Variants in ZNF536 observed in about 807,000 individuals in gnomAD.
The protein encoded by ZNF536 is zinc finger protein 536.
In ZNF536, 13 loss-of-function variants were observed where a neutral mutation model predicts 84.5. The observed-to-expected ratio is 0.15, with a 90% CI of 0.10 to 0.24. The LOEUF is 0.24. ZNF536 is among the 10% of genes least tolerant of loss of function. The probability of loss-of-function intolerance (pLI) is 1.00; values close to 1 mark genes in which losing one functional copy is unlikely to be tolerated. For synonymous variants in ZNF536, 811 were observed against 742.5 expected (o/e 1.09, Z -1.50); for missense variants, 1,536 against 1,747.5 (o/e 0.88, Z 2.16).
chr19:30,589,157 G>GCTTGGGAGGGCTCTTTGCAT (rs1441778807), intron 1 of ZNF536, among the ~76,000 whole-genome samples: 1 of 152,224 alleles, frequency 6.6e-6, no homozygotes, highest in Non-Finnish European at 1.5e-5. Flanking sequence ...CTAGGGCCAT[G>GCTTGGGAGGGCTCTTTGCAT]CTTGGGAGGG....
chr19:30,226,058 C>G (rs1489974294), upstream of ZNF536, among the ~76,000 whole-genome samples: 2 of 151,994 alleles, frequency 1.3e-5, no homozygotes, highest in African/African-American at 4.8e-5. This position sits in a 1 kb window ranked among gnomAD's most constrained non-coding sequence, Gnocchi z 4.6. Context: ...CCTCCCCGCC[C>G]GCGGTCCCGG....
At chr19:30,687,995 A>C (rs1423876962) in intron 1 of ZNF536, among the ~76,000 whole-genome samples, 1 of 144,972 alleles carries the variant, frequency 6.9e-6, no homozygotes, top group East Asian at 2.1e-4. Context: ...AAAAAAGAGC[A>C]TAACAATGTG....
intron 1 of ZNF536, among the ~76,000 whole-genome samples, chr19:30,434,070 G>T (rs542372443): frequency 1.3e-5 from 2 of 151,952 alleles, no homozygotes; most frequent in African/African-American, 4.8e-5. Flanking sequence ...AGGGGACCAA[G>T]GTCACACCGA....
At chr19:30,345,248 C>CT (rs955561766) in intron 2 of ZNF536, among the ~76,000 whole-genome samples, 2 of 151,962 alleles carry the variant, frequency 1.3e-5, no homozygotes, top group Non-Finnish European at 2.9e-5. Context: ...GGGGCTCCCC[C>CT]CAGCATGAGT....
chr19:30,592,791 C>T (rs1032147015), intron 1 of ZNF536, among the ~76,000 whole-genome samples: 1 of 151,946 alleles, frequency 6.6e-6, no homozygotes, highest in Non-Finnish European at 1.5e-5. Context: ...GGGTGATGGA[C>T]ATATCCGCTG....
intron 2 of ZNF536, among the ~76,000 whole-genome samples, chr19:30,479,193 G>A (rs2053971838): frequency 6.6e-6 from 1 of 152,102 alleles, no homozygotes; most frequent in Admixed American, 6.5e-5. Context: ...TCGGTGTTGG[G>A]CACAAGCAGC....
chr19:30,421,100 T>G (rs2050937470), intron 1 of ZNF536, among the ~76,000 whole-genome samples: 1 of 152,146 alleles, frequency 6.6e-6, no homozygotes, highest in African/African-American at 2.4e-5. Flanking sequence ...TAGAGCAGGC[T>G]CCTAACCAAG....
intron 1 of ZNF536, among the ~76,000 whole-genome samples, chr19:30,615,471 T>A (rs2048259322): frequency 6.6e-6 from 1 of 152,194 alleles, no homozygotes; most frequent in Admixed American, 6.5e-5. Context: ...TGCTCTATTT[T>A]ACTCAATTGA....
In ZNF536 at chr19:30,549,437, C is replaced by T. The variant is rs866481206; in HGVS notation, c.3818C>T (p.Ser1273Phe). The change falls in exon 4 of 5, where the codon TCT becomes TTT. Residue 1273 changes from serine to phenylalanine, a missense_variant. Physicochemically the swap from Ser to Phe is radical, Grantham distance 155. Around this residue, in one of 8 missense-constraint regions of ZNF536, gnomAD observed 624 missense variants for 603.1 expected, o/e 1.03. Coordinates refer to ENST00000355537, the MANE Select transcript of ZNF536 (RefSeq NM_014717.3). ...NMLSVLRAYS[S>F]DGLAAFNGLA... is the part of the protein sequence containing the mutation. The stretch of plus-strand genomic sequence containing the variant: ...CTGTCGGTCCTCAGGGCCTACAGTT[C>T]TGATGGCTTAGCAGCCTTTAACGGA... 6.4e-7 allele frequency: 1 copy of T among 1,556,186 alleles called. No homozygotes were observed. Among genetic ancestry groups the T allele is most frequent in the Non-Finnish European group, 8.7e-7 (1 of 1,152,564 alleles).
chr19:30,349,999 GTT>G (rs892178993), intron 2 of ZNF536, among the ~76,000 whole-genome samples: 2 of 147,810 alleles, frequency 1.4e-5, no homozygotes, highest in African/African-American at 5.0e-5. Flanking sequence ...TCCGAAAGTT[GTT>G]TTTTTTTTCT....
chr19:30,695,874 C>G (rs1051149881), intron 1 of ZNF536, among the ~76,000 whole-genome samples: 2 of 152,144 alleles, frequency 1.3e-5, no homozygotes, highest in African/African-American at 4.8e-5. Context: ...TGCATCCTTA[C>G]AGCCCATCTT....
chr19:30,337,726 A>G (rs2047425539), intron 2 of ZNF536, among the ~76,000 whole-genome samples: 2 of 152,208 alleles, frequency 1.3e-5, no homozygotes, highest in African/African-American at 4.8e-5. Flanking sequence ...ACCTTCAGTA[A>G]ATTGCATAAC....
At chr19:30,451,101 G>A (rs1292038128) in intron 2 of ZNF536, among the ~76,000 whole-genome samples, 1 of 152,266 alleles carries the variant, frequency 6.6e-6, no homozygotes, top group South Asian at 2.1e-4. Context: ...AGAGCCGAGA[G>A]CTGAGGTGGC....
intron 1 of ZNF536, among the ~76,000 whole-genome samples, chr19:30,374,839 G>A (rs2048748028): frequency 6.6e-6 from 1 of 151,152 alleles, no homozygotes; most frequent in Non-Finnish European, 1.5e-5. Flanking sequence ...CCGCGGGTCC[G>A]GCCGGGGGAG....
chr19:30,272,197 T>C (rs979923703), intron 1 of ZNF536, among the ~76,000 whole-genome samples: 10 of 152,220 alleles, frequency 6.6e-5, no homozygotes, highest in Admixed American at 2.0e-4. Context: ...CTCTTTTTTT[T>C]CTTTGTAAAT....
intron 3 of ZNF536, among the ~76,000 whole-genome samples, chr19:30,364,338 C>A (rs995049244): frequency 6.6e-6 from 1 of 152,078 alleles, no homozygotes; most frequent in East Asian, 1.9e-4. Flanking sequence ...CCAGCTTAGA[C>A]AACATAGGGA....
intron 2 of ZNF536, among the ~76,000 whole-genome samples, chr19:30,501,732 A>T (rs1004046): frequency 6.6e-6 from 1 of 152,060 alleles, no homozygotes; most frequent in South Asian, 2.1e-4. Context: ...CACAGAGCTC[A>T]TGAGGACCAC....
intron 1 of ZNF536, among the ~76,000 whole-genome samples, chr19:30,262,555 G>T (rs2025283055): frequency 6.6e-6 from 1 of 152,216 alleles, no homozygotes; most frequent in Non-Finnish European, 1.5e-5. Context: ...GCCTCTGCGT[G>T]TGCTGCCCCA....
At chr19:30,551,102 G>A (rs1295698009) in intron 4 of ZNF536, among the ~76,000 whole-genome samples, 1 of 148,880 alleles carries the variant, frequency 6.7e-6, no homozygotes, top group African/African-American at 2.5e-5. Context: ...TGTGATCGGG[G>A]TGGTTTCTTT....
Sources: gnomAD v4.1 joint callset for allele counts (sites outside exome capture counted in the v4.1 genomes callset) on GRCh38, gnomAD v4.1.1 for gene constraint, gnomAD v4.1.1 regional missense constraint, Gnocchi (gnomAD v3.1) non-coding constraint, MANE v1.5 for transcripts, NCBI Gene and HGNC (gene_info 2026-07-23, HGNC 2026-07-21) for gene names.